Variants in LCLAT1 observed in about 807,000 individuals in gnomAD.
LCLAT1 encodes 1-AGP acyltransferase 8.
Under a neutral mutation model 30.7 loss-of-function variants are expected in LCLAT1, and 11 were observed. The observed-to-expected ratio is 0.36, with a 90% CI of 0.23 to 0.59. The LOEUF (loss-of-function observed/expected upper bound fraction) is 0.59. Among genes scored for constraint, LCLAT1 ranks in the 20% least tolerant of loss-of-function variants. LCLAT1 has a pLI of 0.77. For missense variants in LCLAT1, 402 were observed against 458.6 expected (o/e 0.88, Z 1.13); for synonymous variants, 155 against 151.3 (o/e 1.02, Z -0.18).
At chr2:30,540,922 C>G (rs956128814) in intron 3 of LCLAT1, among the ~76,000 whole-genome samples, 47 of 152,286 alleles carry the variant, frequency 3.1e-4, no homozygotes, top group African/African-American at 1.1e-3. Context: ...CTTAGCCTCC[C>G]AAAGTGCTGA....
At chr2:30,619,536 C>T (rs1320861559) in intron 5 of LCLAT1, among the ~76,000 whole-genome samples, 1 of 152,210 alleles carries the variant, frequency 6.6e-6, no homozygotes, top group Non-Finnish European at 1.5e-5. Context: ...ATACTTTACT[C>T]ATGCACCTAT....
At chr2:30,510,812 T>G (rs1004234404) in intron 1 of LCLAT1, among the ~76,000 whole-genome samples, 41 of 152,132 alleles carry the variant, frequency 2.7e-4, no homozygotes, top group African/African-American at 9.2e-4. Context: ...CTTTATTTTC[T>G]AACTCTTTGG....
chr2:30,454,955 C>T (rs1681754715), intron 1 of LCLAT1, among the ~76,000 whole-genome samples: 1 of 152,120 alleles, frequency 6.6e-6, no homozygotes. Context: ...AATTTAGCTT[C>T]TCTTTCCTTC....
chr2:30,568,817 T>G (rs570189587), intron 5 of LCLAT1, among the ~76,000 whole-genome samples: 1 of 129,590 alleles, frequency 7.7e-6, no homozygotes, highest in East Asian at 2.2e-4. Flanking sequence ...AAAAATGTCT[T>G]AAGAGTATCT....
chr2:30,638,102 T>C (rs1669122906), intron 5 of LCLAT1, among the ~76,000 whole-genome samples: 1 of 152,218 alleles, frequency 6.6e-6, no homozygotes. Context: ...TATTTTGTAA[T>C]TCAGTTATGA....
At chr2:30,462,746 A>G (rs188958206) in intron 1 of LCLAT1, among the ~76,000 whole-genome samples, 3 of 152,312 alleles carry the variant, frequency 2.0e-5, no homozygotes, top group Admixed American at 6.5e-5. Context: ...TGATTATGTT[A>G]TAAGAATTAC....
chr2:30,595,438 A>C (rs77908152), intron 5 of LCLAT1, among the ~76,000 whole-genome samples: 1 of 152,072 alleles, frequency 6.6e-6, no homozygotes, highest in East Asian at 1.9e-4. Context: ...CCATATTCCT[A>C]TTCTGCTCAA....
chr2:30,608,941 G>T (rs1667600555), intron 5 of LCLAT1, among the ~76,000 whole-genome samples: 1 of 151,888 alleles, frequency 6.6e-6, no homozygotes, highest in Non-Finnish European at 1.5e-5. Flanking sequence ...ATGCACAAGG[G>T]TGCCTGTTTC....
chr2:30,644,205 A>G lies in LCLAT1; in HGVS notation c.*3586A>G, dbSNP rs937447159. On this transcript the variant is annotated 3_prime_UTR_variant, in exon 6 of 6. Transcript: ENST00000379509. ...ATCTGTAATATACATCCCAGAATAA[A>G]GGAGTGAATTAAATAGTTTACATGT... 1 of 152,186 alleles carries G rather than the reference A, an allele frequency of 6.6e-6. No homozygotes were observed. Among genetic ancestry groups the G allele is most frequent in the East Asian group, 1.9e-4 (1 of 5,194 alleles). 9.4% of individuals were successfully genotyped at this position (152,186 alleles called of 1,614,324 possible).
At chr2:30,497,839 T>C (rs537775494) in intron 1 of LCLAT1, among the ~76,000 whole-genome samples, 6 of 152,374 alleles carry the variant, frequency 3.9e-5, no homozygotes, top group Non-Finnish European at 5.9e-5. Flanking sequence ...TAACTGTCAC[T>C]GTGATACAAT....
chr2:30,596,681 A>C (rs999978896), intron 5 of LCLAT1, among the ~76,000 whole-genome samples: 4 of 150,774 alleles, frequency 2.7e-5, no homozygotes, highest in Non-Finnish European at 4.4e-5. Flanking sequence ...CTTTGGTTGC[A>C]ATTGCTTTTG....
At chr2:30,510,771 C>T (rs1684903623) in intron 1 of LCLAT1, among the ~76,000 whole-genome samples, 1 of 152,072 alleles carries the variant, frequency 6.6e-6, no homozygotes, top group South Asian at 2.1e-4. Context: ...TCTTTATCTT[C>T]TGCTGGGCTT....
chr2:30,601,063 G>A (rs1275628437), intron 5 of LCLAT1, among the ~76,000 whole-genome samples: 6 of 151,876 alleles, frequency 4.0e-5, no homozygotes, highest in East Asian at 3.9e-4. Context: ...CCTTTCCTCC[G>A]TTTGATCTAT....
intron 3 of LCLAT1, among the ~76,000 whole-genome samples, chr2:30,540,843 T>G: frequency 6.6e-6 from 1 of 151,996 alleles, no homozygotes; most frequent in East Asian, 1.9e-4. Context: ...TTTTGTATTT[T>G]AAGTAGAGAC....
chr2:30,486,243 T>TA (rs1021464804), intron 1 of LCLAT1, among the ~76,000 whole-genome samples: 1 of 152,192 alleles, frequency 6.6e-6, no homozygotes, highest in Non-Finnish European at 1.5e-5. Context: ...ACTGACCTGT[T>TA]AAAAAAATTT....
intron 1 of LCLAT1, among the ~76,000 whole-genome samples, chr2:30,521,822 G>A (rs955210310): frequency 1.3e-5 from 2 of 151,896 alleles, no homozygotes; most frequent in African/African-American, 4.8e-5. Flanking sequence ...AACTTATATT[G>A]TGTTGTTTCT....
chr2:30,484,330 A>G (rs1683464199), intron 1 of LCLAT1, among the ~76,000 whole-genome samples: 1 of 152,208 alleles, frequency 6.6e-6, no homozygotes, highest in African/African-American at 2.4e-5. Flanking sequence ...TATTGACAGC[A>G]TTATGGGAAT....
rs1416021788 is a variant in LCLAT1, at chr2:30,557,292, G to A, written c.365-4854G>A. 2.5e-5 allele frequency among the ~76,000 whole-genome samples: 3 copies of A among 117,802 alleles called. No individual in the cohort carries two copies. In the East Asian group the frequency reaches 9.3e-4, roughly 36 times the overall value. The allele number at this position is 117,802 out of a possible 152,430, so 77.3% of individuals were successfully genotyped here. On this transcript the variant is annotated intron_variant, in intron 3 of 5. Coordinates refer to ENST00000379509, the MANE Select transcript of LCLAT1 (RefSeq NM_001002257.3). The stretch of plus-strand genomic sequence containing the variant: ...GTGTAGAAGGTATGATCGTGTGTGT[G>A]TGTGTGTGTGTGTGTGTGTGTGTGT...
chr2:30,534,045 C>T lies in LCLAT1; in HGVS notation c.364+731C>T, dbSNP rs931480846. ...ATCCTCCTGACAGCCTTGTTAATTA[C>T]ATTTATACTTCTGTGGTTTACCTAG... On this transcript the variant is annotated intron_variant, in intron 3 of 5. Transcript: ENST00000379509. Among the ~76,000 whole-genome samples, 5 of 152,152 alleles carry T rather than the reference C, an allele frequency of 3.3e-5. 2 individuals are homozygous for T. The highest frequency in any genetic ancestry group is 7.3e-5 in the Non-Finnish European group (5 of 68,038).
Sources: gnomAD v4.1 joint callset for allele counts (sites outside exome capture counted in the v4.1 genomes callset) on GRCh38, gnomAD v4.1.1 for gene constraint, MANE v1.5 for transcripts, NCBI Gene and HGNC (gene_info 2026-07-23, HGNC 2026-07-21) for gene names.